Variants in PREX1 observed in about 807,000 individuals in gnomAD.
PREX1 encodes phosphatidylinositol 3,4,5-trisphosphate-dependent Rac exchanger 1 protein.
PREX1 carries 41 observed loss-of-function variants against 198.3 expected under a neutral mutation model. That is an observed-to-expected ratio of 0.21 (90% CI 0.16 to 0.27). PREX1 has a LOEUF of 0.27. Ranked by LOEUF, PREX1 falls within the 10% of genes least tolerant of loss-of-function variation. PREX1 has a pLI of 1.00. For missense variants in PREX1, 1,620 were observed against 2,200.7 expected (o/e 0.74, Z 5.28); for synonymous variants, 843 against 887.2 (o/e 0.95, Z 0.89).
At chr20:48,884,765 T>G in the PREX1 span, among the ~76,000 whole-genome samples, 2 of 152,188 alleles carry the variant, frequency 1.3e-5, no homozygotes, top group African/African-American at 4.8e-5. Context: ...AAATCATATG[T>G]GATAAAGGGC....
chr20:48,797,330 C>T (rs1469487263), intron 1 of PREX1, among the ~76,000 whole-genome samples: 1 of 151,676 alleles, frequency 6.6e-6, no homozygotes, highest in Non-Finnish European at 1.5e-5. Context: ...AATGACGGCC[C>T]CCTGCTCCCC....
chr20:48,738,680 T>TG (rs1428065260), intron 3 of PREX1, among the ~76,000 whole-genome samples: 3 of 151,902 alleles, frequency 2.0e-5, no homozygotes, highest in Non-Finnish European at 4.4e-5. Context: ...GCTGTGGGTT[T>TG]GGGGGGAGAA....
At chr20:48,745,001 C>T in intron 3 of PREX1, 24 bp downstream of exon 3, 1 of 1,611,636 alleles carries the variant, frequency 6.2e-7, no homozygotes, top group Non-Finnish European at 8.5e-7. Flanking sequence ...TAGAGTCCAC[C>T]AGGGGCAGTG....
intron 29 of PREX1, 44 bp downstream of exon 29, chr20:48,642,124 C>T: frequency 6.3e-7 from 1 of 1,590,142 alleles, no homozygotes; most frequent in East Asian, 2.2e-5. Flanking sequence ...GTCTAACACC[C>T]TTCCCCATCG....
chr20:48,730,021 C>T (rs1054804931), intron 4 of PREX1, among the ~76,000 whole-genome samples: 4 of 152,060 alleles, frequency 2.6e-5, no homozygotes, highest in East Asian at 1.9e-4. Flanking sequence ...CAGGGAGCAC[C>T]GACGGCCGCT....
intron 29 of PREX1, among the ~76,000 whole-genome samples, chr20:48,640,236 G>C (rs888925404): frequency 6.6e-6 from 1 of 152,156 alleles, no homozygotes; most frequent in African/African-American, 2.4e-5. Flanking sequence ...GGATTCTCAG[G>C]AACTACCTCC....
chr20:48,703,932 G>A (rs2089888923), intron 6 of PREX1, among the ~76,000 whole-genome samples: 1 of 152,236 alleles, frequency 6.6e-6, no homozygotes, highest in East Asian at 1.9e-4. Context: ...GGAAGAGGCT[G>A]AGCACCAAGA....
Position 48,655,384 on chromosome 20 carries a change from G to C in PREX1, c.2124-9C>G. The C allele has an allele frequency of 6.5e-7, 1 of 1,531,732 alleles. No homozygotes were observed. The highest frequency in any genetic ancestry group is 8.8e-7 in the Non-Finnish European group (1 of 1,130,652). 94.9% of individuals were successfully genotyped at this position (1,531,732 alleles called of 1,614,324 possible). A position where few individuals can be genotyped will look rare whatever the true frequency, so the allele number is the denominator to read the frequency against. ...CGGGGATTTTGATGATCCTGCACCA[G>C]GTAGAAGAGGCAGGGAAAAAGGCCA... is the stretch of plus-strand genomic sequence containing the variant. On this transcript the variant is annotated splice_polypyrimidine_tract_variant and intron_variant, in intron 18 of 39. Coordinates refer to ENST00000371941, the MANE Select transcript of PREX1 (RefSeq NM_020820.4).
At position 48,645,982 on chromosome 20, in the gene PREX1, C is replaced by A. The variant is rs1355156602; in HGVS notation, c.3381G>T (p.Leu1127=). ...TCTCGCTCTCTTCACTGACCAGGGGCAGGGAGGAGGCCTCCTCAGCCAAGG... is the reference window on the plus strand; with the variant it reads ...TCTCGCTCTCTTCACTGACCAGGGGAAGGGAGGAGGCCTCCTCAGCCAAGG... ...DASLAEEASS[L]PLVSEESEMD... is the part of the protein sequence containing the mutation. Residue 1127 remains leucine, a synonymous_variant, in exon 26 of 40, where the codon CTG becomes CTT. Coordinates refer to ENST00000371941, the MANE Select transcript of PREX1 (RefSeq NM_020820.4). 6.2e-7 allele frequency: 1 copy of A among 1,614,224 alleles called. No homozygotes were observed. The highest frequency in any genetic ancestry group is 8.5e-7 in the Non-Finnish European group (1 of 1,180,032).
In PREX1 at chr20:48,818,214, A is replaced by G. The variant is rs534144217; in HGVS notation, c.219+9428T>C. 3.3e-5 allele frequency among the ~76,000 whole-genome samples: 5 copies of G among 152,296 alleles called. No individual in the cohort carries two copies. The South Asian group carries it at 1.0e-3, about 32-fold the overall frequency. ...CTTGGAGGAAGTGGGCGAGGGGGTA[A>G]GAGCTACCCAGAAGATTCTGGAACT... On this transcript the variant is annotated intron_variant, in intron 1 of 39. Coordinates refer to ENST00000371941, the MANE Select transcript of PREX1 (RefSeq NM_020820.4).
At chr20:48,862,790 A>AAAAAATATATATATATAT in the PREX1 span, among the ~76,000 whole-genome samples, 1 of 102,584 alleles carries the variant, frequency 9.7e-6, no homozygotes, top group African/African-American at 4.4e-5. Flanking sequence ...TAAAAAAAAA[A>AAAAAATATATATATATAT]ATATATATAT....
the PREX1 span, among the ~76,000 whole-genome samples, chr20:48,856,233 A>G: frequency 1.3e-5 from 2 of 152,236 alleles, no homozygotes; most frequent in African/African-American, 4.8e-5. Context: ...AACTAGGGTG[A>G]GGACAGCGGC....
chr20:48,810,453 A>C (rs1296748553), intron 1 of PREX1, among the ~76,000 whole-genome samples: 1 of 151,862 alleles, frequency 6.6e-6, no homozygotes. Context: ...GCATGGTGAC[A>C]CACACCTGTA....
intron 13 of PREX1, among the ~76,000 whole-genome samples, chr20:48,677,195 T>C (rs2089715408): frequency 6.6e-6 from 1 of 152,202 alleles, no homozygotes; most frequent in African/African-American, 2.4e-5. Context: ...TCTTTGAGGC[T>C]GGCCAAGGAG....
intron 18 of PREX1, 92 bp downstream of exon 18, chr20:48,656,947 CG>C: frequency 7.0e-7 from 1 of 1,418,886 alleles, no homozygotes; most frequent in Non-Finnish European, 9.4e-7. Context: ...GTCCCAGCCA[CG>C]GGGGACCAGG....
intron 25 of PREX1, 130 bp downstream of exon 25, chr20:48,649,170 C>A (rs2089472621): frequency 7.6e-7 from 1 of 1,317,794 alleles, no homozygotes; most frequent in African/African-American, 1.5e-5. Flanking sequence ...AAAGATACTG[C>A]TAAATAGCCT....
At chr20:48,874,372 C>CGT in the PREX1 span, among the ~76,000 whole-genome samples, 4,336 of 127,906 alleles carry the variant, frequency 0.034, 98 homozygotes, top group Admixed American at 0.05. Flanking sequence ...GAGGGGTGTC[C>CGT]GTGTGTGTGT....
intron 6 of PREX1, among the ~76,000 whole-genome samples, chr20:48,706,044 T>TA (rs2089901317): frequency 6.6e-6 from 1 of 152,228 alleles, no homozygotes; most frequent in Non-Finnish European, 1.5e-5. Context: ...TAACAGGTAC[T>TA]AAATAACTGC....
At chr20:48,665,317 G>GC (rs1568812823) in intron 15 of PREX1, among the ~76,000 whole-genome samples, 2 of 140,426 alleles carry the variant, frequency 1.4e-5, no homozygotes, top group African/African-American at 5.5e-5. Context: ...TCTAATCCTG[G>GC]TTCCAGACGG....
Sources: gnomAD v4.1 joint callset for allele counts (sites outside exome capture counted in the v4.1 genomes callset) on GRCh38, gnomAD v4.1.1 for gene constraint, MANE v1.5 for transcripts, NCBI Gene and HGNC (gene_info 2026-07-23, HGNC 2026-07-21) for gene names.